The following CWC27 variants were observed in gnomAD, a reference collection of about 807,000 sequenced individuals.
CWC27 encodes CWC27 spliceosome associated cyclophilin.
CWC27 carries 47 observed loss-of-function variants against 63.6 expected under a neutral mutation model. That is an observed-to-expected ratio of 0.74 (90% CI 0.58 to 0.94). The LOEUF (loss-of-function observed/expected upper bound fraction) is 0.94. Ranked by LOEUF, CWC27 falls within the 40% of genes least tolerant of loss-of-function variation. The probability of loss-of-function intolerance (pLI) is 0.00; values close to 1 mark genes in which losing one functional copy is unlikely to be tolerated. For synonymous variants in CWC27, 175 were observed against 179.8 expected, an observed-to-expected ratio of 0.97 and a Z score of 0.22; for missense variants, 495 against 554.3, an observed-to-expected ratio of 0.89 and a Z score of 1.07.
intron 13 of CWC27, among the ~76,000 whole-genome samples, chr5:65,003,319 A>G (rs558013336): frequency 6.6e-6 from 1 of 152,208 alleles, no homozygotes; most frequent in East Asian, 1.9e-4. Context: ...TATTCCTGTC[A>G]TTTGTTCATT....
At chr5:64,949,933 GTACTT>G (rs1223417183) in intron 11 of CWC27, among the ~76,000 whole-genome samples, 1 of 151,910 alleles carries the variant, frequency 6.6e-6, no homozygotes, top group African/African-American at 2.4e-5. Context: ...CCAGGCATCG[GTACTT>G]TTTGAAGCTC....
chr5:64,825,206 G>A (rs888161584), intron 10 of CWC27, among the ~76,000 whole-genome samples: 29 of 152,136 alleles, frequency 1.9e-4, no homozygotes, highest in African/African-American at 6.0e-4. Context: ...CTTGGAGACC[G>A]TATGTTGCAA....
chr5:64,831,997 A>G (rs1745535054), intron 10 of CWC27, among the ~76,000 whole-genome samples: 2 of 151,924 alleles, frequency 1.3e-5, no homozygotes, highest in South Asian at 4.1e-4. Context: ...AATAGCACAT[A>G]TATTTGTGGT....
At chr5:64,925,013 T>A (rs1398572226) in intron 11 of CWC27, among the ~76,000 whole-genome samples, 2 of 151,846 alleles carry the variant, frequency 1.3e-5, no homozygotes, top group Non-Finnish European at 2.9e-5. Flanking sequence ...TAAAGAAATG[T>A]GTAGTTAGCA....
At chr5:64,887,380 T>A (rs1454306824) in intron 11 of CWC27, among the ~76,000 whole-genome samples, 2 of 151,444 alleles carry the variant, frequency 1.3e-5, no homozygotes, top group African/African-American at 2.5e-5. Context: ...TATTTACTTA[T>A]TTTTTGAGAT....
intron 11 of CWC27, among the ~76,000 whole-genome samples, chr5:64,895,766 A>T (rs995413760): frequency 5.3e-5 from 8 of 152,186 alleles, no homozygotes; most frequent in Non-Finnish European, 8.8e-5. Context: ...GAAGATATAG[A>T]AATGAAAAAT....
chr5:64,801,883 TA>T (rs59143331), intron 9 of CWC27, among the ~76,000 whole-genome samples: 32 of 152,322 alleles, frequency 2.1e-4, no homozygotes, highest in African/African-American at 7.2e-4. Flanking sequence ...ACTTTTTATA[TA>T]AAAACCCATT....
chr5:64,923,188 A>G (rs1212390660), intron 11 of CWC27, among the ~76,000 whole-genome samples: 1 of 152,156 alleles, frequency 6.6e-6, no homozygotes, highest in Non-Finnish European at 1.5e-5. Flanking sequence ...GAGGTGGGGC[A>G]GTGGGGGACT....
chr5:65,006,710 A>C (rs1232131176), intron 13 of CWC27, among the ~76,000 whole-genome samples: 1 of 152,112 alleles, frequency 6.6e-6, no homozygotes, highest in East Asian at 1.9e-4. Context: ...ATGTTCTAAT[A>C]AAAAGAGTAG....
intron 11 of CWC27, among the ~76,000 whole-genome samples, chr5:64,965,690 C>T (rs760128197): frequency 1.2e-4 from 18 of 152,098 alleles, no homozygotes; most frequent in African/African-American, 1.7e-4. Context: ...GTTTTGCAAT[C>T]GATTTTTTAC....
intron 13 of CWC27, among the ~76,000 whole-genome samples, chr5:64,986,464 T>C (rs899248542): frequency 2.6e-5 from 4 of 152,260 alleles, no homozygotes; most frequent in African/African-American, 9.6e-5. Flanking sequence ...TTTGAATCTA[T>C]GCTCTTGAAA....
rs927568202 is a variant in CWC27, at chr5:64,964,472, A to T, written c.1043-7231A>T. Among the ~76,000 whole-genome samples, 63 of 152,230 alleles carry T rather than the reference A, an allele frequency of 4.1e-4. 1 individual carries two copies. The highest frequency in any genetic ancestry group is 2.6e-4 in the Admixed American group (4 of 15,280). On this transcript the variant is annotated intron_variant, in intron 11 of 13. Coordinates refer to ENST00000381070, the MANE Select transcript of CWC27 (RefSeq NM_005869.4). ...GAATGAAATGTCATTTCCATGAGAT[A>T]CAGTCTGTCCCTTTTATTTCATTGA... is the stretch of plus-strand genomic sequence containing the variant.
intron 11 of CWC27, among the ~76,000 whole-genome samples, chr5:64,944,754 G>C (rs1748554929): frequency 6.6e-6 from 1 of 151,368 alleles, no homozygotes; most frequent in Admixed American, 6.6e-5. Context: ...GTGTAGATTA[G>C]TGCAGTCGTT....
chr5:64,777,215 T>C (rs560235018), intron 2 of CWC27, among the ~76,000 whole-genome samples: 2 of 152,264 alleles, frequency 1.3e-5, no homozygotes, highest in East Asian at 3.9e-4. Context: ...CACATCATTC[T>C]TGTCTCATCA....
chr5:64,823,877 A>T (rs1231463515), intron 10 of CWC27, among the ~76,000 whole-genome samples: 1 of 152,194 alleles, frequency 6.6e-6, no homozygotes, highest in East Asian at 1.9e-4. Flanking sequence ...ATTGTATTTT[A>T]TAAAAATTGT....
At chr5:64,776,060 G>C (rs550571355) in intron 2 of CWC27, among the ~76,000 whole-genome samples, 1 of 134,614 alleles carries the variant, frequency 7.4e-6, no homozygotes, top group Admixed American at 7.5e-5. Context: ...AGGTGGGGAG[G>C]AGTGGAGCGA....
intron 13 of CWC27, among the ~76,000 whole-genome samples, chr5:64,995,685 A>G (rs1749618274): frequency 6.6e-6 from 1 of 151,924 alleles, no homozygotes; most frequent in Non-Finnish European, 1.5e-5. Flanking sequence ...GAGTTTTATT[A>G]TTTTACATTG....
chr5:64,924,558 C>T (rs1748068588), intron 11 of CWC27, among the ~76,000 whole-genome samples: 1 of 152,186 alleles, frequency 6.6e-6, no homozygotes, highest in Non-Finnish European at 1.5e-5. Context: ...CTTTTATCCT[C>T]CTATAGAATT....
chr5:64,941,552 T>C (rs951837345), intron 11 of CWC27, among the ~76,000 whole-genome samples: 2 of 151,916 alleles, frequency 1.3e-5, no homozygotes, highest in Non-Finnish European at 2.9e-5. Context: ...ACAGAAAAAA[T>C]TTATCATAAA....
Sources: gnomAD v4.1 joint callset for allele counts (sites outside exome capture counted in the v4.1 genomes callset) on GRCh38, gnomAD v4.1.1 for gene constraint, MANE v1.5 for transcripts, NCBI Gene and HGNC (gene_info 2026-07-23, HGNC 2026-07-21) for gene names.